Variants in MFAP2 observed in about 807,000 individuals in gnomAD.
MFAP2 encodes microfibril associated protein 2.
Under a neutral mutation model 30.6 loss-of-function variants are expected in MFAP2, and 23 were observed. The observed-to-expected ratio is 0.75, with a 90% CI of 0.54 to 1.07. MFAP2 has a LOEUF of 1.07. MFAP2 is among the 50% of genes least tolerant of loss of function. The probability of loss-of-function intolerance (pLI) is 0.00; values close to 1 mark genes in which losing one functional copy is unlikely to be tolerated. For synonymous variants in MFAP2, 73 were observed against 85.7 expected, an observed-to-expected ratio of 0.85 and a Z score of 0.82; for missense variants, 198 against 223.8, an observed-to-expected ratio of 0.88 and a Z score of 0.74.
chr1:16,975,215 GATA>G lies in MFAP2; in HGVS notation c.448+51_448+53del, dbSNP rs2076578423. 4 of 1,544,470 alleles carry G rather than the reference GATA, an allele frequency of 2.6e-6. No individual in the cohort carries two copies. Among genetic ancestry groups the G allele is most frequent in the South Asian group, 1.1e-5 (1 of 87,564 alleles). On this transcript the variant is annotated intron_variant, in intron 8 of 8. Coordinates refer to ENST00000375535, the MANE Select transcript of MFAP2 (RefSeq NM_002403.4). The surrounding 1 kb of genome is among the most constrained non-coding windows in gnomAD (Gnocchi z 5.0). ...CATCAGGTGGGTGGCTAGGTGGCCA[GATA>G]ATGATGCGGGTGTGGGGACAGGGGA...
intron 1 of MFAP2, among the ~76,000 whole-genome samples, chr1:16,978,608 C>T (rs2076612436): frequency 6.6e-6 from 1 of 152,212 alleles, no homozygotes; most frequent in African/African-American, 2.4e-5. Flanking sequence ...ACTAAGGGGA[C>T]ATTCCTAATG....
rs2076585058 is a variant in MFAP2, at chr1:16,975,715, T to G, written c.302A>C (p.Gln101Pro). ...EPGPLDCREE[Q>P]YPCTRLYSIH... is the part of the protein sequence containing the mutation. ...GGAGTAGAGGCGGGTGCACGGGTACTGTTCCTCACGGCAGTCTGGTGACAG... is the reference window on the plus strand; with the variant it reads ...GGAGTAGAGGCGGGTGCACGGGTACGGTTCCTCACGGCAGTCTGGTGACAG... The change falls in exon 7 of 9, where the codon CAG becomes CCG. Residue 101 changes from glutamine to proline, a missense_variant. Transcript: ENST00000375535. The surrounding 1 kb of genome is among the most constrained non-coding windows in gnomAD (Gnocchi z 5.0). 1 of 1,613,314 alleles carries G rather than the reference T, an allele frequency of 6.2e-7. No homozygotes were observed. Among genetic ancestry groups the G allele is most frequent in the African/African-American group, 1.3e-5 (1 of 74,846 alleles).
intron 1 of MFAP2, chr1:16,978,837 C>T (rs1031722302): frequency 2.0e-5 from 3 of 152,926 alleles, no homozygotes; most frequent in African/African-American, 7.2e-5. Context: ...AAGCATCCTG[C>T]TCAGCAGGAA....
At chr1:16,977,431 G>A (rs1570739179) in intron 2 of MFAP2, 1 of 536,336 alleles carries the variant, frequency 1.9e-6, no homozygotes, top group Non-Finnish European at 3.3e-6. Flanking sequence ...TGGCCTCCTG[G>A]CTGCTCCTAG....
At position 16,974,808 on chromosome 1, in the gene MFAP2, A is replaced by G. The variant is rs2076575126; in HGVS notation, c.*112T>C. The G allele has an allele frequency of 6.0e-6, 3 of 503,424 alleles. No individual in the cohort carries two copies. The African/African-American group carries it at 9.7e-5, about 16-fold the overall frequency. The allele number at this position is 503,424 out of a possible 1,614,324, so 31.2% of individuals were successfully genotyped here. On this transcript the variant is annotated 3_prime_UTR_variant, in exon 9 of 9. Coordinates refer to ENST00000375535, the MANE Select transcript of MFAP2 (RefSeq NM_002403.4). ...GCAACCCCCAGGGCTGCAGTCCACT[A>G]ACTTTTTACAGAATAAAAGGAACAT...
Position 16,976,561 on chromosome 1 carries a change from A to T in MFAP2, c.242-16T>A, listed in dbSNP as rs572396290. ...TTTCCTGGTTCTGGTGTGGAGACAG[A>T]GGTAGGCAGACATCACTGGGAGGGG... On this transcript the variant is annotated splice_polypyrimidine_tract_variant and intron_variant, in intron 5 of 8. Transcript: ENST00000375535. The surrounding 1 kb of genome is among the most constrained non-coding windows in gnomAD (Gnocchi z 5.5). 6.8e-6 allele frequency: 11 copies of T among 1,614,030 alleles called. No individual in the cohort carries two copies. The highest frequency in any genetic ancestry group is 1.7e-5 in the Admixed American group (1 of 60,002).
rs906748360 is a variant in MFAP2 at position 16,975,566 on chromosome 1, C to T, written c.374+77G>A. The T allele has an allele frequency of 1.0e-5, 15 of 1,453,110 alleles. No homozygotes were observed. The highest frequency in any genetic ancestry group is 9.3e-5 in the East Asian group (4 of 42,846). The allele number at this position is 1,453,110 out of a possible 1,614,324, so 90.0% of individuals were successfully genotyped here. On this transcript the variant is annotated intron_variant, in intron 7 of 8. Coordinates refer to ENST00000375535, the MANE Select transcript of MFAP2 (RefSeq NM_002403.4). The surrounding 1 kb of genome is among the most constrained non-coding windows in gnomAD (Gnocchi z 5.0). The stretch of plus-strand genomic sequence containing the variant: ...ATCTTTCCTCCAACTCCCACCTTGG[C>T]GGGCCAGAGCTGTCCCCTGTGCCCT...
chr1:16,979,337 G>A (rs891772850), intron 1 of MFAP2, among the ~76,000 whole-genome samples: 1 of 152,206 alleles, frequency 6.6e-6, no homozygotes, highest in African/African-American at 2.4e-5. Context: ...GCCCCTCCCG[G>A]CTGCAACCCA....
Position 16,975,147 on chromosome 1 carries a change from G to T in MFAP2, c.448+122C>A. 1 of 1,279,782 alleles carries T rather than the reference G, an allele frequency of 7.8e-7. No homozygotes were observed. Among genetic ancestry groups the T allele is most frequent in the Non-Finnish European group, 1.1e-6 (1 of 899,882 alleles). 79.3% of individuals were successfully genotyped at this position (1,279,782 alleles called of 1,614,324 possible). ...AAAGTAGCAAGGAGGGGAGCTCAGGGTGTCCTGGAAGTGGGCCTGGTGGAT... is the reference window on the plus strand; with the variant it reads ...AAAGTAGCAAGGAGGGGAGCTCAGGTTGTCCTGGAAGTGGGCCTGGTGGAT... On this transcript the variant is annotated intron_variant, in intron 8 of 8. Transcript: ENST00000375535. This position sits in a 1 kb window ranked among gnomAD's most constrained non-coding sequence, Gnocchi z 5.0.
chr1:16,978,218 T>G lies in MFAP2; in HGVS notation c.37+19A>C. 6.4e-7 allele frequency: 1 copy of G among 1,564,620 alleles called. No homozygotes were observed. The highest frequency in any genetic ancestry group is 2.3e-5 in the East Asian group (1 of 43,056). ...GCCCCACATAAGAGGAGCTACCCCC[T>G]GCCCCAGGAGCCACTTACCAGGCAG... On this transcript the variant is annotated intron_variant, in intron 2 of 8. Coordinates refer to ENST00000375535, the MANE Select transcript of MFAP2 (RefSeq NM_002403.4).
At position 16,975,421 on chromosome 1, in the gene MFAP2, GGGAGCCCGGACAGAACCTGGCAC is replaced by G. The variant is rs2076581873; in HGVS notation, c.375-102_375-80del. 15 of 989,716 alleles carry G rather than the reference GGGAGCCCGGACAGAACCTGGCAC, an allele frequency of 1.5e-5. No individual in the cohort carries two copies. The East Asian group carries it at 1.4e-3, about 89-fold the overall frequency. The allele number at this position is 989,716 out of a possible 1,614,324, so 61.3% of individuals were successfully genotyped here. A position where few individuals can be genotyped will look rare whatever the true frequency, so the allele number is the denominator to read the frequency against. On this transcript the variant is annotated intron_variant, in intron 7 of 8. Coordinates refer to ENST00000375535, the MANE Select transcript of MFAP2 (RefSeq NM_002403.4). This position sits in a 1 kb window ranked among gnomAD's most constrained non-coding sequence, Gnocchi z 5.0. ...GGATAGCCCAGACAGAACCTGGCAC[GGGAGCCCGGACAGAACCTGGCAC>G]GGGAGCCCGGACAGAACCTGGCACT...
Position 16,978,213 on chromosome 1 carries a change from C to T in MFAP2, c.37+24G>A, listed in dbSNP as rs1044127274. ...CCTCAGCCCCACATAAGAGGAGCTA[C>T]CCCCTGCCCCAGGAGCCACTTACCA... On this transcript the variant is annotated intron_variant, in intron 2 of 8. Transcript: ENST00000375535. 3.2e-6 allele frequency: 5 copies of T among 1,561,214 alleles called. No individual in the cohort carries two copies. In the Admixed American group the frequency reaches 5.8e-5, roughly 18 times the overall value.
chr1:16,979,696 G>A (rs1226522515), intron 1 of MFAP2, among the ~76,000 whole-genome samples: 1 of 152,206 alleles, frequency 6.6e-6, no homozygotes, highest in East Asian at 1.9e-4. Flanking sequence ...CGGAGCCCCC[G>A]CTGCTCAGCA....
At position 16,976,865 on chromosome 1, in the gene MFAP2, C is replaced by T. The variant is rs775125848; in HGVS notation, c.154+32G>A. ...CAGGGGGTCTCCCCACCCCAGCTGC[C>T]GGCCCGTCCTATCCTACCCCTAGCC... On this transcript the variant is annotated intron_variant, in intron 4 of 8. Transcript: ENST00000375535. This position sits in a 1 kb window ranked among gnomAD's most constrained non-coding sequence, Gnocchi z 5.5. 16 of 1,613,942 alleles carry T rather than the reference C, an allele frequency of 9.9e-6. No individual in the cohort carries two copies. Among genetic ancestry groups the T allele is most frequent in the Admixed American group, 1.7e-5 (1 of 59,994 alleles).
At position 16,975,533 on chromosome 1, in the gene MFAP2, G is replaced by T; in HGVS notation, c.374+110C>A. On this transcript the variant is annotated intron_variant, in intron 7 of 8. Transcript: ENST00000375535. The surrounding 1 kb of genome is among the most constrained non-coding windows in gnomAD (Gnocchi z 5.0). ...ACCACAGAACTGAGCTCAACTTAAG[G>T]ACTCACTATCTTTCCTCCAACTCCC... 1 of 1,276,846 alleles carries T rather than the reference G, an allele frequency of 7.8e-7. No homozygotes were observed. Among genetic ancestry groups the T allele is most frequent in the Non-Finnish European group, 1.1e-6 (1 of 891,340 alleles). The allele number at this position is 1,276,846 out of a possible 1,614,324, so 79.1% of individuals were successfully genotyped here.
chr1:16,974,788 C>T lies in MFAP2; in HGVS notation c.*132G>A, dbSNP rs1191484454. The T allele has an allele frequency of 2.2e-5, 10 of 452,068 alleles. No individual in the cohort carries two copies. In the Admixed American group the frequency reaches 3.2e-4, roughly 15 times the overall value. 28.0% of individuals were successfully genotyped at this position (452,068 alleles called of 1,614,324 possible). The stretch of plus-strand genomic sequence containing the variant: ...GGCCTGAGGCACCGCAGCCTGCAAC[C>T]CCCAGGGCTGCAGTCCACTAACTTT... On this transcript the variant is annotated 3_prime_UTR_variant, in exon 9 of 9. Coordinates refer to ENST00000375535, the MANE Select transcript of MFAP2 (RefSeq NM_002403.4).
At chr1:16,981,428 C>T (rs144011070), upstream of MFAP2, among the ~76,000 whole-genome samples, 5 of 152,226 alleles carry the variant, frequency 3.3e-5, no homozygotes, top group Admixed American at 6.5e-5. Flanking sequence ...CCCAGTCCCC[C>T]CTTGGCCCCG....
chr1:16,978,702 T>C (rs1164764186), intron 1 of MFAP2, among the ~76,000 whole-genome samples: 4 of 152,174 alleles, frequency 2.6e-5, no homozygotes, highest in Non-Finnish European at 5.9e-5. Context: ...TCCAAGGCAC[T>C]GACTGCGTGA....
chr1:16,978,150 A>T, intron 2 of MFAP2, 87 bp downstream of exon 2: 1 of 1,431,200 alleles, frequency 7.0e-7, no homozygotes. Context: ...ATAAGTCGTG[A>T]CAAAGGCTCA....
Sources: allele counts gnomAD v4.1 joint callset (sites outside exome capture counted in the v4.1 genomes callset), GRCh38; gene constraint gnomAD v4.1.1; non-coding constraint Gnocchi (gnomAD v3.1); transcripts MANE v1.5; gene names NCBI Gene and HGNC (gene_info 2026-07-23, HGNC 2026-07-21).